Variants in KCNIP4 observed in about 807,000 individuals in gnomAD.
KCNIP4 encodes the protein potassium voltage-gated channel interacting protein 4.
A neutral mutation model predicts 34.0 loss-of-function variants in KCNIP4; 12 were observed. The ratio of observed to expected loss-of-function variants is 0.35; its 90% confidence interval spans 0.23 to 0.57. The LOEUF (loss-of-function observed/expected upper bound fraction) is 0.57. Among genes scored for constraint, KCNIP4 ranks in the 20% least tolerant of loss-of-function variants. The probability of loss-of-function intolerance (pLI) is 0.83; values close to 1 mark genes in which losing one functional copy is unlikely to be tolerated. For synonymous variants in KCNIP4, 124 were observed against 102.2 expected (o/e 1.21, Z -1.29); for missense variants, 238 against 311.7 (o/e 0.76, Z 1.78).
chr4:21,860,928 G>T (rs1187594699), intron 1 of KCNIP4, among the ~76,000 whole-genome samples: 1 of 151,946 alleles, frequency 6.6e-6, no homozygotes, highest in African/African-American at 2.4e-5. Flanking sequence ...CCCCAAAACT[G>T]CCTGTTCCTC....
intron 3 of KCNIP4, among the ~76,000 whole-genome samples, chr4:20,833,055 G>A (rs1718617800): frequency 6.6e-6 from 1 of 152,190 alleles, no homozygotes; most frequent in South Asian, 2.1e-4. Flanking sequence ...CAAATAGCTT[G>A]TGATGCTGAG....
chr4:21,158,012 ATAG>A (rs1253244529), intron 1 of KCNIP4, among the ~76,000 whole-genome samples: 1 of 152,116 alleles, frequency 6.6e-6, no homozygotes, highest in Non-Finnish European at 1.5e-5. Context: ...AATTTTTCTG[ATAG>A]TAGAGAATAA....
At chr4:20,864,237 CAT>C (rs1158299501) in intron 2 of KCNIP4, among the ~76,000 whole-genome samples, 7 of 142,692 alleles carry the variant, frequency 4.9e-5, no homozygotes, top group South Asian at 2.4e-4. Context: ...TATATGTACA[CAT>C]ATGTATGTAT....
intron 1 of KCNIP4, among the ~76,000 whole-genome samples, chr4:21,339,972 G>C (rs1716585256): frequency 6.6e-6 from 1 of 152,074 alleles, no homozygotes; most frequent in South Asian, 2.1e-4. Context: ...CACATGTCTA[G>C]TTCTATGTAA....
intron 1 of KCNIP4, among the ~76,000 whole-genome samples, chr4:21,912,156 T>A (rs1050577976): frequency 6.6e-6 from 1 of 152,254 alleles, no homozygotes; most frequent in East Asian, 1.9e-4. Flanking sequence ...CAAATCCCTA[T>A]TATGTGCTGA....
chr4:20,793,017 A>C (rs986739264), intron 3 of KCNIP4, among the ~76,000 whole-genome samples: 4 of 152,220 alleles, frequency 2.6e-5, no homozygotes, highest in Non-Finnish European at 5.9e-5. Flanking sequence ...GCAATATCTT[A>C]AAAAGTTAAA....
At chr4:21,558,515 T>TAAATAAATAA (rs1560515603) in intron 1 of KCNIP4, among the ~76,000 whole-genome samples, 1 of 72,268 alleles carries the variant, frequency 1.4e-5, no homozygotes, top group East Asian at 9.2e-4. Flanking sequence ...TAAATAAATA[T>TAAATAAATAA]ATAAATAAAA....
intron 1 of KCNIP4, chr4:21,851,210 T>A (rs1289606873): frequency 6.6e-6 from 1 of 151,986 alleles, no homozygotes; most frequent in Admixed American, 6.6e-5. Flanking sequence ...TAAGCTAGGG[T>A]TGAGAGTCCC....
At chr4:21,785,699 GA>G (rs1185836779) in intron 1 of KCNIP4, among the ~76,000 whole-genome samples, 1 of 152,244 alleles carries the variant, frequency 6.6e-6, no homozygotes, top group East Asian at 1.9e-4. Flanking sequence ...CAGTTTCTAT[GA>G]ATTTGCCTCT....
At chr4:21,911,245 T>G (rs2108982347) in intron 1 of KCNIP4, among the ~76,000 whole-genome samples, 1 of 152,272 alleles carries the variant, frequency 6.6e-6, no homozygotes, top group East Asian at 1.9e-4. Flanking sequence ...AGCCAACCCC[T>G]AACATCTACT....
chr4:21,368,081 G>C (rs1719964908), intron 1 of KCNIP4, among the ~76,000 whole-genome samples: 1 of 147,264 alleles, frequency 6.8e-6, no homozygotes, highest in Admixed American at 6.6e-5. Flanking sequence ...TTTGGATTCA[G>C]CAAGATGTGA....
intron 5 of KCNIP4, among the ~76,000 whole-genome samples, chr4:20,737,948 G>A (rs951281110): frequency 4.6e-5 from 7 of 152,140 alleles, no homozygotes; most frequent in South Asian, 2.1e-4. Flanking sequence ...CCTGAGCAAC[G>A]CAGCCAGATC....
chr4:21,232,024 G>A (rs1160163398), intron 1 of KCNIP4, among the ~76,000 whole-genome samples: 1 of 152,104 alleles, frequency 6.6e-6, no homozygotes, highest in African/African-American at 2.4e-5. Context: ...TAATCAGCTG[G>A]AATTAACTGT....
intron 1 of KCNIP4, among the ~76,000 whole-genome samples, chr4:21,024,268 A>G (rs1005683609): frequency 1.3e-5 from 2 of 152,214 alleles, no homozygotes; most frequent in Non-Finnish European, 2.9e-5. Flanking sequence ...AGTATCAATC[A>G]GTAGTAGCCA....
intron 2 of KCNIP4, among the ~76,000 whole-genome samples, chr4:20,881,047 C>CTTTGT (rs951834012): frequency 6.6e-5 from 10 of 152,266 alleles, no homozygotes; most frequent in African/African-American, 1.9e-4. Context: ...GAAGAGCTTT[C>CTTTGT]TTTGTTTTGT....
intron 1 of KCNIP4, among the ~76,000 whole-genome samples, chr4:21,278,439 G>A (rs896813686): frequency 2.8e-4 from 43 of 152,168 alleles, no homozygotes; most frequent in African/African-American, 1.0e-3. Flanking sequence ...ATTTATAAGT[G>A]AGAACATGTG....
intron 1 of KCNIP4, among the ~76,000 whole-genome samples, chr4:21,792,792 G>C (rs12642992): frequency 0.35 from 52,668 of 152,172 alleles, 10,804 homozygotes; most frequent in Non-Finnish European, 0.48. Flanking sequence ...GATTGTGAAG[G>C]GTTATGACTT....
intron 1 of KCNIP4, among the ~76,000 whole-genome samples, chr4:21,902,351 T>G (rs989694727): frequency 2.6e-5 from 4 of 152,078 alleles, no homozygotes; most frequent in South Asian, 2.1e-4. Flanking sequence ...TATTTGAAGT[T>G]TTGTCCTTAT....
intron 3 of KCNIP4, among the ~76,000 whole-genome samples, chr4:20,787,530 C>G (rs1712170272): frequency 6.6e-6 from 1 of 151,950 alleles, no homozygotes; most frequent in South Asian, 2.1e-4. Context: ...AATGAACAAC[C>G]TTTTTGGAAT....
Sources: allele counts gnomAD v4.1 joint callset (sites outside exome capture counted in the v4.1 genomes callset), GRCh38; gene constraint gnomAD v4.1.1; transcripts MANE v1.5; gene names NCBI Gene and HGNC (gene_info 2026-07-23, HGNC 2026-07-21).